The following SLCO2A1 variants were observed in gnomAD, a reference collection of about 807,000 sequenced individuals.
SLCO2A1 encodes the protein matrin F/G 1.
In SLCO2A1, 60 loss-of-function variants were observed where a neutral mutation model predicts 71.7. The observed-to-expected ratio is 0.84, with a 90% CI of 0.68 to 1.04. The LOEUF is 1.04. SLCO2A1 is among the 50% of genes least tolerant of loss of function. SLCO2A1 has a pLI of 0.00. For missense variants in SLCO2A1, 745 were observed against 813.4 expected (o/e 0.92, Z 1.02); for synonymous variants, 308 against 326.7 (o/e 0.94, Z 0.62).
chr3:133,954,503 G>C (rs967892020), intron 4 of SLCO2A1, among the ~76,000 whole-genome samples: 3 of 152,142 alleles, frequency 2.0e-5, no homozygotes, highest in African/African-American at 7.2e-5. Context: ...GCATTCACGT[G>C]GTCATCTGCT....
At chr3:133,942,484 A>G in intron 11 of SLCO2A1, 121 bp downstream of exon 11, 1 of 1,034,948 alleles carries the variant, frequency 9.7e-7, no homozygotes, top group South Asian at 1.8e-5. Context: ...ATTGTCATTT[A>G]AAGGACTCTG....
At chr3:133,998,123 C>T (rs1935017629) in intron 1 of SLCO2A1, among the ~76,000 whole-genome samples, 1 of 152,142 alleles carries the variant, frequency 6.6e-6, no homozygotes, top group South Asian at 2.1e-4. Flanking sequence ...GCCATGGGAT[C>T]CCCTTGGTTC....
At chr3:133,996,496 G>A (rs1012499091) in intron 1 of SLCO2A1, among the ~76,000 whole-genome samples, 27 of 152,292 alleles carry the variant, frequency 1.8e-4, no homozygotes, top group African/African-American at 6.0e-4. Flanking sequence ...ACGGCATTCC[G>A]GAGTCACACA....
intron 1 of SLCO2A1, among the ~76,000 whole-genome samples, chr3:134,026,323 C>T (rs374867062): frequency 6.6e-5 from 10 of 151,330 alleles, no homozygotes; most frequent in Non-Finnish European, 1.2e-4. Context: ...GGAGTCCCAC[C>T]GGGACTAGAC....
chr3:133,998,253 A>ACTT (rs1190545012), intron 1 of SLCO2A1, among the ~76,000 whole-genome samples: 1 of 152,086 alleles, frequency 6.6e-6, no homozygotes, highest in Non-Finnish European at 1.5e-5. Context: ...CTCTCAGGTG[A>ACTT]CTTAGGAAGC....
intron 1 of SLCO2A1, among the ~76,000 whole-genome samples, chr3:133,982,791 C>T (rs1934623992): frequency 1.3e-5 from 2 of 152,042 alleles, no homozygotes; most frequent in Admixed American, 6.6e-5. Flanking sequence ...TCAAATCTTC[C>T]ACCACACCAC....
intron 6 of SLCO2A1, 188 bp from the exon 7 acceptor site, chr3:133,949,159 C>T (rs1431802078): frequency 5.0e-6 from 3 of 601,422 alleles, no homozygotes; most frequent in African/African-American, 3.7e-5. Context: ...TTTCCGTGAG[C>T]CTGGTGTTTT....
At position 133,999,699 on chromosome 3, in the gene SLCO2A1, T is replaced by C. The variant is rs370073747; in HGVS notation, c.97-20081A>G. Reference sequence around the variant, plus strand: ...TGAAGATGAGGAGAATTTCAGAAAGTGGGTAGGAAAAAAGGGGTCATCCCT... The same window carrying C: ...TGAAGATGAGGAGAATTTCAGAAAGCGGGTAGGAAAAAAGGGGTCATCCCT... On this transcript the variant is annotated intron_variant, in intron 1 of 13. Transcript: ENST00000310926. Among the ~76,000 whole-genome samples the C allele has an allele frequency of 1.8e-3, 270 of 151,398 alleles. 1 individual carries two copies. The highest frequency in any genetic ancestry group is 5.8e-3 in the African/African-American group (241 of 41,260).
In SLCO2A1 at chr3:133,934,692, G is replaced by C. The variant is rs1161646833; in HGVS notation, c.*21C>G. 3.9e-6 allele frequency: 6 copies of C among 1,541,828 alleles called. No homozygotes were observed. Among genetic ancestry groups the C allele is most frequent in the South Asian group, 1.1e-5 (1 of 89,640 alleles). On this transcript the variant is annotated 3_prime_UTR_variant, in exon 14 of 14. Transcript: ENST00000310926. ...GAGTCAAGGTCCACTCTCTGGAGCA[G>C]GGCAGTGGCCCAGGGTGGGGTCAGA...
intron 1 of SLCO2A1, among the ~76,000 whole-genome samples, chr3:134,002,255 G>A (rs545303242): frequency 2.6e-5 from 4 of 152,270 alleles, no homozygotes; most frequent in African/African-American, 9.6e-5. Context: ...AATATGTGGT[G>A]GTCTCTCCTT....
At chr3:133,940,145 T>A (rs1483954174) in intron 11 of SLCO2A1, among the ~76,000 whole-genome samples, 1 of 152,068 alleles carries the variant, frequency 6.6e-6, no homozygotes, top group Non-Finnish European at 1.5e-5. Context: ...CTTTTGTAAT[T>A]TTAGTAGAGA....
chr3:133,937,866 G>A (rs1403315332), intron 12 of SLCO2A1, among the ~76,000 whole-genome samples: 1 of 152,194 alleles, frequency 6.6e-6, no homozygotes, highest in Non-Finnish European at 1.5e-5. Flanking sequence ...CAGGCACCCC[G>A]GGAGAGCACT....
At chr3:133,971,523 T>C (rs1934326202) in intron 3 of SLCO2A1, among the ~76,000 whole-genome samples, 1 of 152,256 alleles carries the variant, frequency 6.6e-6, no homozygotes. Flanking sequence ...ATTCTTGCCC[T>C]ATTCTTTTCC....
rs748551457 is a variant in SLCO2A1 at position 133,981,057 on chromosome 3, CTT to C, written c.97-1441_97-1440del. Among the ~76,000 whole-genome samples, 22 of 152,356 alleles carry C rather than the reference CTT, an allele frequency of 1.4e-4. 1 individual carries two copies. In the East Asian group the frequency reaches 3.5e-3, roughly 24 times the overall value. ...TTTTGTAATAATGTCATCCCACTCT[CTT>C]TTCACAAATGGGGAAACTGAAGTCC... On this transcript the variant is annotated intron_variant, in intron 1 of 13. Transcript: ENST00000310926.
intron 1 of SLCO2A1, among the ~76,000 whole-genome samples, chr3:133,997,786 C>T (rs1157817833): frequency 2.6e-5 from 4 of 152,218 alleles, no homozygotes; most frequent in Non-Finnish European, 5.9e-5. Flanking sequence ...GGCCTGAAGG[C>T]AAGGGTAAGG....
At chr3:133,992,717 G>A (rs926611893) in intron 1 of SLCO2A1, among the ~76,000 whole-genome samples, 9 of 152,196 alleles carry the variant, frequency 5.9e-5, no homozygotes, top group African/African-American at 2.2e-4. Context: ...GACTTCAGAG[G>A]AACAGTTTGA....
intron 1 of SLCO2A1, among the ~76,000 whole-genome samples, chr3:134,026,526 A>G (rs1192094087): frequency 2.0e-5 from 3 of 152,150 alleles, no homozygotes; most frequent in African/African-American, 4.8e-5. Flanking sequence ...AAATTGAAAA[A>G]ATGATAAATG....
intron 6 of SLCO2A1, among the ~76,000 whole-genome samples, chr3:133,950,389 A>G (rs1462658270): frequency 1.3e-5 from 2 of 152,162 alleles, no homozygotes; most frequent in Non-Finnish European, 2.9e-5. Context: ...CCTCCAAGCC[A>G]GCTCACTGCT....
intron 9 of SLCO2A1, among the ~76,000 whole-genome samples, chr3:133,945,501 T>C (rs757248707): frequency 1.3e-5 from 2 of 152,202 alleles, no homozygotes; most frequent in African/African-American, 2.4e-5. Context: ...CCACTAATTA[T>C]GCTCTGGGAA....
Sources: allele counts gnomAD v4.1 joint callset (sites outside exome capture counted in the v4.1 genomes callset), GRCh38; gene constraint gnomAD v4.1.1; transcripts MANE v1.5; gene names NCBI Gene and HGNC (gene_info 2026-07-23, HGNC 2026-07-21).